SLC12A8: variants seen among roughly 807,000 people sequenced by gnomAD.
SLC12A8 encodes cation-chloride cotransporter 9.
In SLC12A8, 69 loss-of-function variants were observed where a neutral mutation model predicts 75.6. The observed-to-expected ratio is 0.91, with a 90% CI of 0.75 to 1.11. The LOEUF is 1.11. Among genes scored for constraint, SLC12A8 ranks in the 50% most tolerant of loss-of-function variants. SLC12A8 has a pLI of 0.00. For missense variants in SLC12A8, 877 were observed against 896.7 expected (o/e 0.98, Z 0.28); for synonymous variants, 365 against 372.8 (o/e 0.98, Z 0.24).
In SLC12A8 at chr3:125,083,953, G is replaced by T; in HGVS notation, c.2082C>A (p.Ala694=). ...TQLTQENADF[A]TRDRYHHSSL... is the part of the protein sequence containing the mutation. ...AGGAGTGGTGGTAGCGATCCCGAGT[G>T]GCGAAGTCTGCATTCTCCTGGGTGA... The change falls in exon 14 of 14, where the codon GCC becomes GCA. Residue 694 remains alanine (A), a synonymous_variant. Transcript: ENST00000469902. 1.2e-6 allele frequency: 2 copies of T among 1,613,680 alleles called. No individual in the cohort carries two copies. Among genetic ancestry groups the T allele is most frequent in the Admixed American group, 3.3e-5 (2 of 59,934 alleles).
At chr3:125,185,787 T>C (rs1708332) in intron 4 of SLC12A8, among the ~76,000 whole-genome samples, 144,550 of 152,314 alleles carry the variant, frequency 0.95, 68,640 homozygotes, top group East Asian at 1. Context: ...CAGGGACTCC[T>C]GGCCCGCGCC....
chr3:125,157,739 C>A (rs2107775799), intron 5 of SLC12A8, among the ~76,000 whole-genome samples: 1 of 152,342 alleles, frequency 6.6e-6, no homozygotes, highest in South Asian at 2.1e-4. Context: ...GGTACACTCG[C>A]ATCACCCTCT....
rs530211475 is a variant in SLC12A8, at chr3:125,141,188, G to A, written c.623-5406C>T. Among the ~76,000 whole-genome samples the A allele has an allele frequency of 2.5e-3, 373 of 151,912 alleles. 6 individuals carry two copies. Among genetic ancestry groups the A allele is most frequent in the African/African-American group, 8.4e-3 (347 of 41,338 alleles). On this transcript the variant is annotated intron_variant, in intron 5 of 13. Transcript: ENST00000469902. Reference sequence around the variant, plus strand: ...GGGGGGTGGGGTGGGGTGCGGGTAAGACAGAGAACAAATGACAACAAGACC... The same window carrying A: ...GGGGGGTGGGGTGGGGTGCGGGTAAAACAGAGAACAAATGACAACAAGACC...
At chr3:125,187,502 C>T (rs757187382) in intron 3 of SLC12A8, 74 bp from the exon 4 acceptor site, 20 of 1,369,424 alleles carry the variant, frequency 1.5e-5, no homozygotes, top group East Asian at 2.4e-5. Context: ...GGGGCATTGA[C>T]CACCTCCCCT....
rs1439332447 is a variant in SLC12A8 at position 125,187,353 on chromosome 3, C to T, written c.274G>A (p.Gly92Ser). 6.8e-6 allele frequency: 11 copies of T among 1,614,108 alleles called. No individual in the cohort carries two copies. The Admixed American group carries it at 1.8e-4, about 27-fold the overall frequency. Residue 92 changes from glycine to serine, a missense_variant, in exon 4 of 14, where the codon GGC (glycine) becomes AGC (serine). Gly to Ser is a moderately conservative substitution (Grantham distance 56). Transcript: ENST00000469902. ...ILVALVTVLSGIGVGERSSIG... is the reference protein window; with the variant it reads ...ILVALVTVLSSIGVGERSSIG... The stretch of plus-strand genomic sequence containing the variant: ...CTGCTGCGCTCCCCGACGCCAATGC[C>T]AGACAGCACCGTGACGAGGGCCACC...
At chr3:125,192,595 T>C (rs914011546) in intron 2 of SLC12A8, 1 of 154,452 alleles carries the variant, frequency 6.5e-6, no homozygotes, top group Non-Finnish European at 1.5e-5. Flanking sequence ...CCTGCTGGTG[T>C]GTGAAATGCC....
At chr3:125,133,941 C>A (rs1239642896) in intron 6 of SLC12A8, among the ~76,000 whole-genome samples, 3 of 152,174 alleles carry the variant, frequency 2.0e-5, no homozygotes, top group African/African-American at 7.2e-5. Flanking sequence ...GTGCTCCTCT[C>A]ACTCCCATTC....
rs1315755268 is a variant in SLC12A8 at position 125,088,247 on chromosome 3, T to TTGGCACGGGACACCCC, written c.1982+62_1982+63insGGGGTGTCCCGTGCCA. Reference sequence around the variant, plus strand: ...AAGCCCAGCCAGGAATGGGACACCCTTGGCACCTCCCAGGACTCTGGACAC... The same window carrying TTGGCACGGGACACCCC: ...AAGCCCAGCCAGGAATGGGACACCCTTGGCACGGGACACCCCTGGCACCTCCCAGGACTCTGGACAC... On this transcript the variant is annotated intron_variant, in intron 13 of 13. Coordinates refer to ENST00000469902, the MANE Select transcript of SLC12A8 (RefSeq NM_024628.6). The TTGGCACGGGACACCCC allele has an allele frequency of 7.1e-6, 11 of 1,551,958 alleles. No individual in the cohort carries two copies. In the African/African-American group the frequency reaches 1.2e-4, roughly 17 times the overall value.
At chr3:125,190,349 C>A in intron 3 of SLC12A8, 26 bp downstream of exon 3, 1 of 1,612,690 alleles carries the variant, frequency 6.2e-7, no homozygotes, top group East Asian at 2.2e-5. Flanking sequence ...CCGTGAGAGG[C>A]TCCAGGCCAC....
chr3:125,186,740 C>T (rs547116872), intron 4 of SLC12A8, among the ~76,000 whole-genome samples: 3 of 152,370 alleles, frequency 2.0e-5, no homozygotes, highest in Non-Finnish European at 4.4e-5. Context: ...GACAGGGCGT[C>T]CACACAAGAG....
At chr3:125,142,067 C>A (rs1933661932) in intron 5 of SLC12A8, among the ~76,000 whole-genome samples, 1 of 152,214 alleles carries the variant, frequency 6.6e-6, no homozygotes, top group African/African-American at 2.4e-5. Context: ...CCTCGCGCGC[C>A]GCCTCTGGAC....
chr3:125,211,247 A>T (rs1935331511), intron 2 of SLC12A8, 52 bp downstream of exon 2: 3 of 1,464,846 alleles, frequency 2.0e-6, no homozygotes, highest in African/African-American at 2.8e-5. Flanking sequence ...CTGTCTGGGG[A>T]TCCCCGTGCT....
At position 125,117,030 on chromosome 3, in the gene SLC12A8, T is replaced by C. The variant is rs557289502; in HGVS notation, c.912+1739A>G. Among the ~76,000 whole-genome samples the C allele has an allele frequency of 2.4e-4, 36 of 152,266 alleles. No homozygotes were observed. The South Asian group carries it at 3.1e-3, about 13-fold the overall frequency. ...GTCTGTGACCTTGGGTACTGGAAAG[T>C]GGGTATCAGTTCTCTCACTAACTGA... On this transcript the variant is annotated intron_variant, in intron 8 of 13. Transcript: ENST00000469902.
At chr3:125,140,942 G>C (rs886977390) in intron 5 of SLC12A8, among the ~76,000 whole-genome samples, 63 of 152,118 alleles carry the variant, frequency 4.1e-4, no homozygotes, top group Non-Finnish European at 7.4e-5. Context: ...TTGCCTCTCT[G>C]TTGGGCTTTC....
intron 2 of SLC12A8, among the ~76,000 whole-genome samples, chr3:125,203,175 C>T (rs1370100743): frequency 6.8e-6 from 1 of 148,110 alleles, no homozygotes; most frequent in Non-Finnish European, 1.5e-5. Context: ...TCTACAGAGT[C>T]AATACAATCC....
intron 10 of SLC12A8, among the ~76,000 whole-genome samples, chr3:125,099,471 A>C (rs1938805063): frequency 6.6e-6 from 1 of 152,254 alleles, no homozygotes; most frequent in Non-Finnish European, 1.5e-5. Flanking sequence ...ATCAAGTAAA[A>C]GAAACTAACT....
intron 5 of SLC12A8, among the ~76,000 whole-genome samples, chr3:125,146,790 C>T (rs1933784892): frequency 6.6e-6 from 1 of 152,270 alleles, no homozygotes; most frequent in Non-Finnish European, 1.5e-5. Flanking sequence ...CAGGCTGACG[C>T]CACCATGCCC....
intron 5 of SLC12A8, among the ~76,000 whole-genome samples, chr3:125,167,089 AAATG>A (rs1177202189): frequency 2.0e-5 from 3 of 152,234 alleles, no homozygotes; most frequent in Non-Finnish European, 2.9e-5. Flanking sequence ...GGTGGTGGAT[AAATG>A]AATATCTGTT....
intron 8 of SLC12A8, among the ~76,000 whole-genome samples, chr3:125,112,081 T>A (rs1939201938): frequency 6.6e-6 from 1 of 152,068 alleles, no homozygotes; most frequent in Admixed American, 6.5e-5. Flanking sequence ...GCAAAAGAGG[T>A]CTGGTCCATT....
Sources: gnomAD v4.1 joint callset for allele counts (sites outside exome capture counted in the v4.1 genomes callset) on GRCh38, gnomAD v4.1.1 for gene constraint, MANE v1.5 for transcripts, NCBI Gene and HGNC (gene_info 2026-07-23, HGNC 2026-07-21) for gene names.